The following DPH6 variants were observed in gnomAD, a reference collection of about 807,000 sequenced individuals.
DPH6 encodes diphthamine biosynthesis 6.
In DPH6, 33 loss-of-function variants were observed where a neutral mutation model predicts 38.2. That is an observed-to-expected ratio of 0.86 (90% confidence interval 0.65 to 1.15). The LOEUF (loss-of-function observed/expected upper bound fraction) is 1.15. Ranked by LOEUF, DPH6 falls within the 50% of genes most tolerant of loss-of-function variation. The pLI is 0.00. For synonymous variants in DPH6, 108 were observed against 103.0 expected, an observed-to-expected ratio of 1.05 and a Z score of -0.30; for missense variants, 325 against 320.0, an observed-to-expected ratio of 1.02 and a Z score of -0.12.
chr15:35,279,709 G>A (rs903743610), intron 3 of DPH6, among the ~76,000 whole-genome samples: 3 of 152,016 alleles, frequency 2.0e-5, no homozygotes, highest in Admixed American at 6.6e-5. Flanking sequence ...TGCCAGCACC[G>A]TGCTTCCTGT....
rs188493052 is a variant in DPH6 at position 35,413,968 on chromosome 15, A to T, written c.506-3072T>A. ...CATACATTCAAAACCATATTTTTAA[A>T]GTCTTAATGTATTAAGTATCTTTAG... is the stretch of plus-strand genomic sequence containing the variant. On this transcript the variant is annotated intron_variant, in intron 5 of 8. Transcript: ENST00000256538. 4.7e-3 allele frequency among the ~76,000 whole-genome samples: 711 copies of T among 151,870 alleles called. 8 individuals are homozygous for T. Among genetic ancestry groups the T allele is most frequent in the African/African-American group, 0.016 (650 of 41,536 alleles).
chr15:35,316,277 TATTAA>T (rs1423944011), intron 3 of DPH6, among the ~76,000 whole-genome samples: 1 of 152,218 alleles, frequency 6.6e-6, no homozygotes, highest in Non-Finnish European at 1.5e-5. Flanking sequence ...TATATGAATG[TATTAA>T]ATTATTTACA....
chr15:35,447,650 C>A (rs1402685991), intron 5 of DPH6, among the ~76,000 whole-genome samples: 2 of 152,152 alleles, frequency 1.3e-5, no homozygotes, highest in Non-Finnish European at 2.9e-5. Context: ...TTTGCCTACA[C>A]AGAGTGAAGT....
chr15:35,174,831 C>G, the DPH6 span, among the ~76,000 whole-genome samples: 2 of 152,112 alleles, frequency 1.3e-5, no homozygotes, highest in Admixed American at 6.6e-5. Flanking sequence ...ATTAAGGTGA[C>G]ATGTAGAGGT....
In DPH6 at chr15:35,298,049, G is replaced by GT. The variant is rs201236340; in HGVS notation, n.200+75471dup. 1.7e-3 allele frequency among the ~76,000 whole-genome samples: 257 copies of GT among 151,066 alleles called. 1 individual carries two copies. Among genetic ancestry groups the GT allele is most frequent in the Middle Eastern group, 0.014 (4 of 294 alleles). ...ATCTTATCTCTAACATTTTCTTTTT[G>GT]TTTTTTTTGTAAACGGATTTTTATA... On this transcript the variant is annotated intron_variant and non_coding_transcript_variant, in intron 3 of 3. Transcript: ENST00000560386.
chr15:35,377,984 C>G (rs956975424), intron 7 of DPH6, among the ~76,000 whole-genome samples: 1 of 151,792 alleles, frequency 6.6e-6, no homozygotes, highest in Non-Finnish European at 1.5e-5. Flanking sequence ...ATCTTCTTGC[C>G]CTGCCCTCCC....
intron 3 of DPH6, among the ~76,000 whole-genome samples, chr15:35,455,579 G>A (rs1057110785): frequency 2.0e-5 from 3 of 152,144 alleles, no homozygotes; most frequent in Admixed American, 2.0e-4. Flanking sequence ...ATGGATTATG[G>A]ACAACATGGG....
At chr15:35,405,199 G>T in intron 6 of DPH6, among the ~76,000 whole-genome samples, 1 of 151,510 alleles carries the variant, frequency 6.6e-6, no homozygotes. Flanking sequence ...TGGGTCTTTT[G>T]GGATTCCATA....
intron 5 of DPH6, among the ~76,000 whole-genome samples, chr15:35,431,213 G>A (rs1566907086): frequency 6.6e-6 from 1 of 152,210 alleles, no homozygotes; most frequent in East Asian, 1.9e-4. Flanking sequence ...GTTCACATAC[G>A]TCAAAAGTCA....
At chr15:35,327,742 C>G (rs563043036), downstream of DPH6, among the ~76,000 whole-genome samples, 15 of 152,248 alleles carry the variant, frequency 9.9e-5, no homozygotes, top group Admixed American at 3.9e-4. Flanking sequence ...CTTCTCTAGG[C>G]CTTGGTTTCC....
At chr15:35,207,563 T>G in the DPH6 span, among the ~76,000 whole-genome samples, 2 of 152,156 alleles carry the variant, frequency 1.3e-5, no homozygotes, top group African/African-American at 2.4e-5. Flanking sequence ...ATCATCCCCA[T>G]GAGAATATCC....
At chr15:35,539,500 T>C (rs771236610) in intron 2 of DPH6, among the ~76,000 whole-genome samples, 1 of 152,024 alleles carries the variant, frequency 6.6e-6, no homozygotes, top group Non-Finnish European at 1.5e-5. Context: ...TAAGCTAATA[T>C]GCTTTCAGGT....
chr15:35,537,098 A>G (rs1205703593), intron 3 of DPH6, among the ~76,000 whole-genome samples: 3 of 152,164 alleles, frequency 2.0e-5, no homozygotes, highest in Non-Finnish European at 4.4e-5. Flanking sequence ...TAGTCAAACA[A>G]ATTTTAAAAG....
At chr15:35,205,425 G>T in the DPH6 span, among the ~76,000 whole-genome samples, 1 of 152,098 alleles carries the variant, frequency 6.6e-6, no homozygotes, top group Admixed American at 6.6e-5. Flanking sequence ...TGTTTACATA[G>T]GTCTAACTTA....
chr15:35,315,531 A>G (rs898125775), intron 3 of DPH6, among the ~76,000 whole-genome samples: 1 of 152,348 alleles, frequency 6.6e-6, no homozygotes, highest in South Asian at 2.1e-4. Flanking sequence ...TCAAAAAGAC[A>G]GGCAGTAGCA....
At chr15:35,523,777 T>C (rs915107546) in intron 3 of DPH6, among the ~76,000 whole-genome samples, 20 of 152,082 alleles carry the variant, frequency 1.3e-4, no homozygotes, top group Admixed American at 6.6e-4. Flanking sequence ...GCTATTATCT[T>C]GAATCAAGAA....
At chr15:35,214,440 A>C (rs1221876682), downstream of DPH6, among the ~76,000 whole-genome samples, 1 of 152,170 alleles carries the variant, frequency 6.6e-6, no homozygotes, top group Non-Finnish European at 1.5e-5. Flanking sequence ...GCTCAGGCCC[A>C]AAACCTTGGA....
In DPH6 at chr15:35,528,448, G is replaced by A. The variant is rs548266536; in HGVS notation, c.312+9826C>T. ...AGCTGTGGAATTGTCAGTTTACAAG[G>A]TACCTTATATAGACTTTTTGTCACT... On this transcript the variant is annotated intron_variant, in intron 3 of 8. Transcript: ENST00000256538. Among the ~76,000 whole-genome samples, 10 of 152,138 alleles carry A rather than the reference G, an allele frequency of 6.6e-5. No individual in the cohort carries two copies. In the East Asian group the frequency reaches 1.7e-3, roughly 26 times the overall value.
At chr15:35,513,897 A>T (rs2054810638) in intron 3 of DPH6, among the ~76,000 whole-genome samples, 3 of 152,082 alleles carry the variant, frequency 2.0e-5, no homozygotes, top group African/African-American at 7.2e-5. Flanking sequence ...AGTAACTTAT[A>T]ACTTACATTT....
Sources: gnomAD v4.1 joint callset for allele counts (sites outside exome capture counted in the v4.1 genomes callset) on GRCh38, gnomAD v4.1.1 for gene constraint, MANE v1.5 for transcripts, NCBI Gene and HGNC (gene_info 2026-07-23, HGNC 2026-07-21) for gene names.